CSNK1G1: variants seen among roughly 807,000 people sequenced by gnomAD.
The protein encoded by CSNK1G1 is casein kinase 1 gamma 1, also known as casein kinase I isoform gamma-1.
In CSNK1G1, 22 loss-of-function variants were observed where a neutral mutation model predicts 59.6. The observed-to-expected ratio is 0.37, with a 90% CI of 0.26 to 0.53. CSNK1G1 has a LOEUF of 0.53. Ranked by LOEUF, CSNK1G1 falls within the 20% of genes least tolerant of loss-of-function variation. The probability of loss-of-function intolerance (pLI) is 0.89; values close to 1 mark genes in which losing one functional copy is unlikely to be tolerated. For missense variants in CSNK1G1, 384 were observed against 519.5 expected, an observed-to-expected ratio of 0.74 and a Z score of 2.54; for synonymous variants, 179 against 177.1, an observed-to-expected ratio of 1.01 and a Z score of -0.08.
chr15:64,304,215 C>T (rs144782564), intron 1 of CSNK1G1, among the ~76,000 whole-genome samples: 2,355 of 151,722 alleles, frequency 0.016, 71 homozygotes, highest in African/African-American at 0.054. Flanking sequence ...TGGTGATACC[C>T]TGTCTCTACT....
At chr15:64,293,500 A>G (rs1894851357) in intron 2 of CSNK1G1, among the ~76,000 whole-genome samples, 1 of 152,236 alleles carries the variant, frequency 6.6e-6, no homozygotes, top group South Asian at 2.1e-4. Flanking sequence ...ACATACACAC[A>G]AAGTGAAACA....
intron 1 of CSNK1G1, among the ~76,000 whole-genome samples, chr15:64,325,671 T>G (rs948310953): frequency 6.6e-6 from 1 of 151,966 alleles, no homozygotes; most frequent in Non-Finnish European, 1.5e-5. Context: ...ATTTTTACAG[T>G]AATAAGACAA....
At chr15:64,242,794 A>G (rs1891541401) in intron 4 of CSNK1G1, among the ~76,000 whole-genome samples, 1 of 152,224 alleles carries the variant, frequency 6.6e-6, no homozygotes, top group African/African-American at 2.4e-5. Flanking sequence ...AAAACTACAT[A>G]GCAATATTCC....
At chr15:64,254,961 T>A (rs772203507) in intron 3 of CSNK1G1, among the ~76,000 whole-genome samples, 1 of 152,258 alleles carries the variant, frequency 6.6e-6, no homozygotes, top group South Asian at 2.1e-4. Context: ...TCTGAATTAA[T>A]TGTTGAATAC....
At chr15:64,265,872 C>A in intron 2 of CSNK1G1, 1 of 454,556 alleles carries the variant, frequency 2.2e-6, no homozygotes, top group South Asian at 1.6e-5. Flanking sequence ...TCATTTCAGG[C>A]CAGGAGTTTG....
At chr15:64,322,640 C>A (rs1329083563) in intron 1 of CSNK1G1, among the ~76,000 whole-genome samples, 1 of 151,966 alleles carries the variant, frequency 6.6e-6, no homozygotes, top group African/African-American at 2.4e-5. Context: ...CATGGTGAAA[C>A]CCTGTCTCTA....
Position 64,342,089 on chromosome 15 carries a change from T to C in CSNK1G1, c.-225+13899A>G, listed in dbSNP as rs971485206. On this transcript the variant is annotated intron_variant, in intron 1 of 11. Transcript: ENST00000303052. ...TTCCCTTCCGACAGTGACGTCCCCTTGCACTCTGTCAAGTAGGATTAAAAC... is the reference window on the plus strand; with the variant it reads ...TTCCCTTCCGACAGTGACGTCCCCTCGCACTCTGTCAAGTAGGATTAAAAC... Among the ~76,000 whole-genome samples the C allele has an allele frequency of 2.6e-5, 4 of 152,216 alleles. No homozygotes were observed. The South Asian group carries it at 8.3e-4, about 32-fold the overall frequency.
At chr15:64,289,644 C>A (rs1289903309) in intron 2 of CSNK1G1, among the ~76,000 whole-genome samples, 1 of 152,078 alleles carries the variant, frequency 6.6e-6, no homozygotes, top group Non-Finnish European at 1.5e-5. Flanking sequence ...AACAGACAAC[C>A]TGCTGAATGG....
chr15:64,327,573 A>G (rs1024694356), intron 1 of CSNK1G1, among the ~76,000 whole-genome samples: 2 of 143,282 alleles, frequency 1.4e-5, no homozygotes, highest in Admixed American at 7.0e-5. Flanking sequence ...AAAGATGGGG[A>G]AAAAACAGAA....
chr15:64,355,099 C>T (rs929206293), intron 1 of CSNK1G1, among the ~76,000 whole-genome samples: 2 of 152,142 alleles, frequency 1.3e-5, no homozygotes, highest in Non-Finnish European at 2.9e-5. Context: ...AAAGAGGCTG[C>T]AAAAGCCTTG....
At position 64,324,420 on chromosome 15, in the gene CSNK1G1, G is replaced by C. The variant is rs1030575602; in HGVS notation, c.-224-23697C>G. Reference sequence around the variant, plus strand: ...AAAGCAGGCAGAAGAAGACAAAAGAGCAGCCTTGCTGAGTCTTCCAGTTTT... The same window carrying C: ...AAAGCAGGCAGAAGAAGACAAAAGACCAGCCTTGCTGAGTCTTCCAGTTTT... On this transcript the variant is annotated intron_variant, in intron 1 of 11. Coordinates refer to ENST00000303052, the MANE Select transcript of CSNK1G1 (RefSeq NM_022048.5). Among the ~76,000 whole-genome samples the C allele has an allele frequency of 3.3e-4, 51 of 152,328 alleles. 1 individual carries two copies. Among genetic ancestry groups the C allele is most frequent in the African/African-American group, 1.1e-3 (45 of 41,586 alleles).
intron 2 of CSNK1G1, among the ~76,000 whole-genome samples, chr15:64,260,277 G>A (rs887728004): frequency 6.6e-6 from 1 of 152,056 alleles, no homozygotes; most frequent in Admixed American, 6.6e-5. Flanking sequence ...AATCTCGACT[G>A]ATTAAAAGTT....
chr15:64,259,130 C>T, intron 3 of CSNK1G1, 71 bp downstream of exon 3: 1 of 1,340,692 alleles, frequency 7.5e-7, no homozygotes, highest in Admixed American at 2.4e-5. Context: ...ATGCTTAAAA[C>T]TATTTCCTAT....
At chr15:64,319,726 G>C (rs922519281) in intron 1 of CSNK1G1, among the ~76,000 whole-genome samples, 1 of 151,454 alleles carries the variant, frequency 6.6e-6, no homozygotes, top group Non-Finnish European at 1.5e-5. Flanking sequence ...GTGTGTGTGT[G>C]TTTTAGTAGA....
chr15:64,343,052 A>G (rs1897756593), intron 1 of CSNK1G1, among the ~76,000 whole-genome samples: 1 of 152,142 alleles, frequency 6.6e-6, no homozygotes, highest in Non-Finnish European at 1.5e-5. Flanking sequence ...ACCTCTATTA[A>G]AAATACAAAA....
At chr15:64,291,985 T>G (rs953860186) in intron 2 of CSNK1G1, among the ~76,000 whole-genome samples, 5 of 151,932 alleles carry the variant, frequency 3.3e-5, no homozygotes, top group Admixed American at 2.0e-4. Context: ...GATCACAAGG[T>G]CAGGAGATCG....
rs1390509615 is a variant in CSNK1G1 at position 64,214,985 on chromosome 15, TG to T, written c.445-862del. 6.6e-6 allele frequency among the ~76,000 whole-genome samples: 1 copy of T among 151,424 alleles called. No individual in the cohort carries two copies. Among genetic ancestry groups the T allele is most frequent in the Admixed American group, 6.6e-5 (1 of 15,182 alleles). On this transcript the variant is annotated intron_variant, in intron 5 of 11. Coordinates refer to ENST00000303052, the MANE Select transcript of CSNK1G1 (RefSeq NM_022048.5). The surrounding 1 kb of genome is among the most constrained non-coding windows in gnomAD (Gnocchi z 4.3). ...TTTAAATTTATTTTCAGATTATTTT[TG>T]TAGAGATGGGGTCTATGTTGCCTAC...
intron 6 of CSNK1G1, among the ~76,000 whole-genome samples, chr15:64,209,623 G>C (rs764544515): frequency 2.6e-5 from 4 of 152,012 alleles, no homozygotes; most frequent in Non-Finnish European, 5.9e-5. Context: ...TACATGGCTT[G>C]TCTGAAGTTT....
At chr15:64,317,842 C>T (rs895075513) in intron 1 of CSNK1G1, among the ~76,000 whole-genome samples, 2 of 152,154 alleles carry the variant, frequency 1.3e-5, no homozygotes, top group African/African-American at 2.4e-5. Flanking sequence ...AGATTTCAAA[C>T]GTGGTCTATC....
Sources: allele counts gnomAD v4.1 joint callset (sites outside exome capture counted in the v4.1 genomes callset), GRCh38; gene constraint gnomAD v4.1.1; non-coding constraint Gnocchi (gnomAD v3.1); transcripts MANE v1.5; gene names NCBI Gene and HGNC (gene_info 2026-07-23, HGNC 2026-07-21).